PLCL1: variants seen among roughly 807,000 people sequenced by gnomAD.
The protein encoded by PLCL1 is inactive phospholipase C-like protein 1.
PLCL1 carries 41 observed loss-of-function variants against 84.4 expected under a neutral mutation model. The observed-to-expected ratio is 0.49, with a 90% CI of 0.38 to 0.63. PLCL1 has a LOEUF of 0.63. Among genes scored for constraint, PLCL1 ranks in the 30% least tolerant of loss-of-function variants. PLCL1 has a pLI of 0.00. For synonymous variants in PLCL1, 490 were observed against 488.3 expected, an observed-to-expected ratio of 1.00 and a Z score of -0.05; for missense variants, 1,206 against 1,367.8, an observed-to-expected ratio of 0.88 and a Z score of 1.87.
rs1474452875 is a variant in PLCL1 at position 198,147,137 on chromosome 2, C to G, written c.*175C>G. On this transcript the variant is annotated 3_prime_UTR_variant, in exon 6 of 6. Transcript: ENST00000428675. ...TGTAGTTAATTTATCTAAATTAAAGCCTTTAGTATCAGTGTTTTAAATTCT... is the reference window on the plus strand; with the variant it reads ...TGTAGTTAATTTATCTAAATTAAAGGCTTTAGTATCAGTGTTTTAAATTCT... The G allele has an allele frequency of 8.0e-6, 4 of 500,764 alleles. No homozygotes were observed. The highest frequency in any genetic ancestry group is 3.5e-6 in the Non-Finnish European group (1 of 287,074). 31.0% of individuals were successfully genotyped at this position (500,764 alleles called of 1,614,324 possible). A position where few individuals can be genotyped will look rare whatever the true frequency, so the allele number is the denominator to read the frequency against.
At chr2:197,975,541 C>G (rs1009741230) in intron 1 of PLCL1, among the ~76,000 whole-genome samples, 20 of 152,146 alleles carry the variant, frequency 1.3e-4, no homozygotes, top group Non-Finnish European at 1.3e-4. Context: ...GGGCCAGGCA[C>G]CCCTGCAATC....
At chr2:197,945,064 CAG>C (rs1286722890) in intron 1 of PLCL1, among the ~76,000 whole-genome samples, 1 of 152,148 alleles carries the variant, frequency 6.6e-6, no homozygotes, top group Non-Finnish European at 1.5e-5. Flanking sequence ...CCTTATTGTT[CAG>C]AGTGTTTTAA....
At chr2:197,897,759 A>G (rs146347183) in intron 1 of PLCL1, among the ~76,000 whole-genome samples, 354 of 152,308 alleles carry the variant, frequency 2.3e-3, no homozygotes, top group African/African-American at 8.1e-3. Flanking sequence ...TGTTATTCTG[A>G]GGTCTGGTAG....
chr2:197,982,857 T>A (rs922956502), intron 1 of PLCL1, among the ~76,000 whole-genome samples: 4 of 152,216 alleles, frequency 2.6e-5, no homozygotes, highest in African/African-American at 9.6e-5. Flanking sequence ...CAGAACAGCC[T>A]CAACAATTTG....
chr2:197,968,191 A>G (rs1434226950), intron 1 of PLCL1, among the ~76,000 whole-genome samples: 2 of 152,196 alleles, frequency 1.3e-5, no homozygotes, highest in Non-Finnish European at 2.9e-5. Context: ...GGAATCCAAA[A>G]ATTAAGCTGT....
At chr2:198,073,680 A>G (rs969866164) in intron 1 of PLCL1, among the ~76,000 whole-genome samples, 1 of 152,254 alleles carries the variant, frequency 6.6e-6, no homozygotes, top group Non-Finnish European at 1.5e-5. Context: ...CTTATGGAAA[A>G]CTCAGAGATT....
At chr2:197,862,150 T>C (rs1232272747) in intron 1 of PLCL1, among the ~76,000 whole-genome samples, 1 of 152,144 alleles carries the variant, frequency 6.6e-6, no homozygotes, top group Non-Finnish European at 1.5e-5. Context: ...ATAGCATCTA[T>C]AACTTTTAAG....
intron 1 of PLCL1, among the ~76,000 whole-genome samples, chr2:197,873,540 C>G (rs557899017): frequency 1.3e-5 from 2 of 152,108 alleles, no homozygotes; most frequent in African/African-American, 4.8e-5. Flanking sequence ...TTTGCTACCC[C>G]CATCCATCTG....
intron 1 of PLCL1, among the ~76,000 whole-genome samples, chr2:197,818,280 C>G (rs1559014442): frequency 6.6e-6 from 1 of 152,098 alleles, no homozygotes; most frequent in Admixed American, 6.6e-5. Flanking sequence ...TTCACATACT[C>G]AGGCAACCAT....
intron 1 of PLCL1, among the ~76,000 whole-genome samples, chr2:197,958,218 A>G (rs1354924416): frequency 6.6e-6 from 1 of 151,918 alleles, no homozygotes; most frequent in Non-Finnish European, 1.5e-5. Context: ...ATGAATCCAT[A>G]TTATTTCTAG....
At chr2:197,889,489 T>C (rs1687976919) in intron 1 of PLCL1, among the ~76,000 whole-genome samples, 2 of 152,232 alleles carry the variant, frequency 1.3e-5, no homozygotes, top group Non-Finnish European at 1.5e-5. Flanking sequence ...CACTGAGTTT[T>C]AATATTCTGT....
intron 1 of PLCL1, among the ~76,000 whole-genome samples, chr2:198,074,537 C>G (rs1473662861): frequency 1.3e-5 from 2 of 152,040 alleles, no homozygotes; most frequent in Non-Finnish European, 2.9e-5. Flanking sequence ...CCATTAAAAA[C>G]TGAAAAGTCG....
At chr2:197,965,109 T>C (rs1416293667) in intron 1 of PLCL1, among the ~76,000 whole-genome samples, 1 of 152,154 alleles carries the variant, frequency 6.6e-6, no homozygotes, top group East Asian at 1.9e-4. Context: ...CCTCTATTTT[T>C]TGGCATAGTT....
intron 1 of PLCL1, among the ~76,000 whole-genome samples, chr2:197,867,581 T>G (rs1391509265): frequency 6.6e-6 from 1 of 152,162 alleles, no homozygotes; most frequent in African/African-American, 2.4e-5. Flanking sequence ...TTTAGTTCTG[T>G]GCATGATCTT....
chr2:197,878,957 C>T lies in PLCL1; in HGVS notation c.240+73618C>T, dbSNP rs113238999. On this transcript the variant is annotated intron_variant, in intron 1 of 5. Coordinates refer to ENST00000428675, the MANE Select transcript of PLCL1 (RefSeq NM_006226.4). ...TGCCAACATTTTAATAGGAAGATTT[C>T]ACATATGGATCTGCATTTCTGCATT... is the stretch of plus-strand genomic sequence containing the variant. Among the ~76,000 whole-genome samples, 865 of 152,310 alleles carry T rather than the reference C, an allele frequency of 5.7e-3. 11 individuals carry two copies. Among genetic ancestry groups the T allele is most frequent in the African/African-American group, 0.02 (817 of 41,574 alleles).
At chr2:198,019,683 GAGAA>G (rs1691087032) in intron 1 of PLCL1, among the ~76,000 whole-genome samples, 1 of 152,130 alleles carries the variant, frequency 6.6e-6, no homozygotes, top group Non-Finnish European at 1.5e-5. Flanking sequence ...GACAAGATTA[GAGAA>G]AGAAAGAATG....
intron 1 of PLCL1, among the ~76,000 whole-genome samples, chr2:198,006,652 G>A (rs1444986618): frequency 6.6e-6 from 1 of 152,154 alleles, no homozygotes; most frequent in Non-Finnish European, 1.5e-5. Flanking sequence ...ATGTGATGAA[G>A]GATTCTCTTC....
chr2:197,903,875 T>C (rs954626203), intron 1 of PLCL1, among the ~76,000 whole-genome samples: 4 of 148,354 alleles, frequency 2.7e-5, no homozygotes, highest in African/African-American at 1.0e-4. Flanking sequence ...CGATCTCGGC[T>C]CACTGCAATC....
intron 1 of PLCL1, among the ~76,000 whole-genome samples, chr2:197,970,382 G>T (rs6752458): frequency 0.72 from 109,409 of 152,050 alleles, 40,297 homozygotes; most frequent in African/African-American, 0.87. Context: ...TCTTAAAGGT[G>T]CCACCTCTTA....
Sources: gnomAD v4.1 joint callset for allele counts (sites outside exome capture counted in the v4.1 genomes callset) on GRCh38, gnomAD v4.1.1 for gene constraint, MANE v1.5 for transcripts, NCBI Gene and HGNC (gene_info 2026-07-23, HGNC 2026-07-21) for gene names.